The following RNF145 variants were observed in gnomAD, a reference collection of about 807,000 sequenced individuals.
The protein encoded by RNF145 is ring finger protein 145.
RNF145 carries 12 observed loss-of-function variants against 57.3 expected under a neutral mutation model. The observed-to-expected ratio is 0.21, with a 90% CI of 0.13 to 0.34. The LOEUF is 0.34. Ranked by LOEUF, RNF145 falls within the 10% of genes least tolerant of loss-of-function variation. The probability of loss-of-function intolerance (pLI) is 1.00; values close to 1 mark genes in which losing one functional copy is unlikely to be tolerated. For synonymous variants in RNF145, 262 were observed against 288.3 expected, an observed-to-expected ratio of 0.91 and a Z score of 0.92; for missense variants, 429 against 799.0, an observed-to-expected ratio of 0.54 and a Z score of 5.58.
chr5:159,166,590 A>G (rs1784399530), intron 8 of RNF145, among the ~76,000 whole-genome samples: 1 of 152,124 alleles, frequency 6.6e-6, no homozygotes. Context: ...ATAGAGTAGC[A>G]CCTGTCTCCA....
At chr5:159,196,433 C>A (rs902117386) in intron 2 of RNF145, among the ~76,000 whole-genome samples, 2 of 152,144 alleles carry the variant, frequency 1.3e-5, no homozygotes, top group Non-Finnish European at 2.9e-5. Context: ...AGTTATGAAC[C>A]TGACATTCTT....
At chr5:159,208,101 G>A (rs1785963301) in intron 1 of RNF145, 3 of 1,450,990 alleles carry the variant, frequency 2.1e-6, no homozygotes, top group Non-Finnish European at 2.7e-6. Flanking sequence ...CACTGCACAG[G>A]CCCCTTCCTC....
rs1784080723 is a variant in RNF145, at chr5:159,157,560, A to T, written c.*1110T>A. ...TGAGCCAAGCCTATTGTATAAATAAATGACTAGTTTCTTTTCATATCAAAA... is the reference window on the plus strand; with the variant it reads ...TGAGCCAAGCCTATTGTATAAATAATTGACTAGTTTCTTTTCATATCAAAA... On this transcript the variant is annotated 3_prime_UTR_variant, in exon 11 of 11. Coordinates refer to ENST00000424310, the MANE Select transcript of RNF145 (RefSeq NM_001199383.2). 6.5e-6 allele frequency: 1 copy of T among 152,728 alleles called. No homozygotes were observed. The highest frequency in any genetic ancestry group is 1.5e-5 in the Non-Finnish European group (1 of 68,030). The allele number at this position is 152,728 out of a possible 1,614,324, so 9.5% of individuals were successfully genotyped here.
Position 159,209,433 on chromosome 5 carries a change from G to C in RNF145, c.-242C>G. 1.0e-6 allele frequency: 1 copy of C among 985,056 alleles called. No homozygotes were observed. Among genetic ancestry groups the C allele is most frequent in the East Asian group, 1.1e-4 (1 of 8,788 alleles). The allele number at this position is 985,056 out of a possible 1,614,324, so 61.0% of individuals were successfully genotyped here. On this transcript the variant is annotated 5_prime_UTR_variant, in exon 1 of 11. Coordinates refer to ENST00000424310, the MANE Select transcript of RNF145 (RefSeq NM_001199383.2). Reference sequence around the variant, plus strand: ...AGGCAGCGGCAGCGGCAGCGGCCCGGCCCGTACGGTCACCATCGTCCGCGG... The same window carrying C: ...AGGCAGCGGCAGCGGCAGCGGCCCGCCCCGTACGGTCACCATCGTCCGCGG...
chr5:159,202,503 T>C (rs1162675704), intron 2 of RNF145, among the ~76,000 whole-genome samples: 2 of 152,166 alleles, frequency 1.3e-5, no homozygotes, highest in Non-Finnish European at 2.9e-5. Flanking sequence ...TCATACTTCT[T>C]TCCACAACAG....
intron 3 of RNF145, among the ~76,000 whole-genome samples, chr5:159,189,800 T>C (rs1475105161): frequency 6.6e-6 from 1 of 152,194 alleles, no homozygotes; most frequent in Admixed American, 6.5e-5. Flanking sequence ...GCAACATGCA[T>C]GAATCTTGAA....
chr5:159,194,889 A>G, intron 2 of RNF145, 65 bp from the exon 3 acceptor site: 1 of 1,146,954 alleles, frequency 8.7e-7, no homozygotes, highest in Non-Finnish European at 1.3e-6. Flanking sequence ...CAATAAAAGA[A>G]AGAGCTTGAG....
intron 3 of RNF145, among the ~76,000 whole-genome samples, chr5:159,191,889 A>G (rs1243275874): frequency 6.6e-6 from 1 of 152,228 alleles, no homozygotes; most frequent in Non-Finnish European, 1.5e-5. Flanking sequence ...GTGGTCAGAA[A>G]AAATCCTTTC....
At position 159,161,329 on chromosome 5, in the gene RNF145, C is replaced by T. The variant is rs747686055; in HGVS notation, c.1563G>A (p.Ser521=). The change falls in exon 10 of 11, where the codon TCG becomes TCA. Residue 521 remains serine (S), a synonymous_variant. Transcript: ENST00000424310. ...GCTGCTCTTTCGTAGCAATGGGTAA[C>T]GATTTAATCTTATTCACAGCATCCC... ...LRRDAVNKIK[S]LPIATKEQLE... is the part of the protein sequence containing the mutation. 1.9e-5 allele frequency: 30 copies of T among 1,614,030 alleles called. No homozygotes were observed. Among genetic ancestry groups the T allele is most frequent in the Middle Eastern group, 1.7e-4 (1 of 6,056 alleles).
chr5:159,173,292 T>C (rs975024), intron 6 of RNF145, among the ~76,000 whole-genome samples: 10,181 of 152,236 alleles, frequency 0.067, 370 homozygotes, highest in Middle Eastern at 0.1. Flanking sequence ...GTGTATTTTA[T>C]GTATAGCCCA....
chr5:159,207,948 G>A, intron 1 of RNF145: 2 of 1,603,516 alleles, frequency 1.2e-6, no homozygotes, highest in Non-Finnish European at 1.7e-6. Flanking sequence ...ATTCTTTTGG[G>A]CATGATTCAA....
intron 3 of RNF145, 91 bp from the exon 4 acceptor site, chr5:159,182,142 C>CCCCT: frequency 1.4e-6 from 1 of 696,278 alleles, no homozygotes; most frequent in South Asian, 2.3e-5. Context: ...GTTAATGATA[C>CCCCT]CCCTTTCCAT....
At chr5:159,176,536 T>C in intron 5 of RNF145, 96 bp downstream of exon 5, 1 of 756,112 alleles carries the variant, frequency 1.3e-6, no homozygotes, top group Non-Finnish European at 2.2e-6. Flanking sequence ...AAATGAATGG[T>C]ACCATAACTG....
At chr5:159,191,740 C>T (rs1010463802) in intron 3 of RNF145, among the ~76,000 whole-genome samples, 3 of 151,260 alleles carry the variant, frequency 2.0e-5, no homozygotes, top group African/African-American at 7.3e-5. Context: ...TGCAGTGAGC[C>T]GAGATAAAAT....
chr5:159,209,842 C>T (rs1415857668), upstream of RNF145: 2 of 1,535,896 alleles, frequency 1.3e-6, no homozygotes, highest in Admixed American at 2.0e-5. Context: ...AGCGCTCACA[C>T]CCACACTCAC....
chr5:159,186,447 T>C (rs987433040), intron 3 of RNF145, among the ~76,000 whole-genome samples: 2 of 152,336 alleles, frequency 1.3e-5, no homozygotes, highest in African/African-American at 4.8e-5. Context: ...ACATTCTGGC[T>C]ATTTACTTAA....
upstream of RNF145, chr5:159,209,802 C>G (rs1478180942): frequency 1.4e-5 from 21 of 1,499,348 alleles, no homozygotes; most frequent in Non-Finnish European, 1.8e-5. Flanking sequence ...GACACACGTG[C>G]TCTCTCACTC....
Position 159,158,923 on chromosome 5 carries a change from T to C in RNF145, c.1739A>G (p.Asn580Ser). 6.2e-7 allele frequency: 1 copy of C among 1,611,650 alleles called. No homozygotes were observed. Among genetic ancestry groups the C allele is most frequent in the Non-Finnish European group, 8.5e-7 (1 of 1,179,330 alleles). ...TCCTAATCCTGGAAGCTGGGAGGAG[T>C]TTTTCAGATGGCAGTGGCACAGAGG... Reference protein sequence around the residue: ...TCPLCHCHLKNSSQLPGLGTE... With the variant: ...TCPLCHCHLKSSSQLPGLGTE... Residue 580 changes from asparagine (N) to serine (S), a missense_variant, in exon 11 of 11, where the codon AAC (asparagine) becomes AGC (serine). Asn to Ser is a conservative substitution (Grantham distance 46). Coordinates refer to ENST00000424310, the MANE Select transcript of RNF145 (RefSeq NM_001199383.2).
In RNF145 at chr5:159,158,275, C is replaced by A; in HGVS notation, c.*395G>T. ...TCCCATGGAGAGTGAAAGTTCAGTT[C>A]CACTTCTGCCTCCTTCTTTCCATGC... On this transcript the variant is annotated 3_prime_UTR_variant, in exon 11 of 11. Coordinates refer to ENST00000424310, the MANE Select transcript of RNF145 (RefSeq NM_001199383.2). The A allele has an allele frequency of 4.7e-6, 1 of 211,324 alleles. No individual in the cohort carries two copies. Among genetic ancestry groups the A allele is most frequent in the Non-Finnish European group, 9.7e-6 (1 of 103,288 alleles). The allele number at this position is 211,324 out of a possible 1,614,324, so 13.1% of individuals were successfully genotyped here. A position where few individuals can be genotyped will look rare whatever the true frequency, so the allele number is the denominator to read the frequency against.
Sources: gnomAD v4.1 joint callset for allele counts (sites outside exome capture counted in the v4.1 genomes callset) on GRCh38, gnomAD v4.1.1 for gene constraint, MANE v1.5 for transcripts, NCBI Gene and HGNC (gene_info 2026-07-23, HGNC 2026-07-21) for gene names.